Variants in PDZD2 observed in about 807,000 individuals in gnomAD.
The protein encoded by PDZD2 is PDZ domain-containing protein 2.
A neutral mutation model predicts 220.7 loss-of-function variants in PDZD2; 90 were observed. That is an observed-to-expected ratio of 0.41 (90% CI 0.34 to 0.49). PDZD2 has a LOEUF of 0.49. PDZD2 is among the 20% of genes least tolerant of loss of function. The pLI is 0.28. For missense variants in PDZD2, 3,174 were observed against 3,608.5 expected, an observed-to-expected ratio of 0.88 and a Z score of 3.08; for synonymous variants, 1,375 against 1,450.5, an observed-to-expected ratio of 0.95 and a Z score of 1.18.
At position 31,709,492 on chromosome 5, in the gene PDZD2, AAT is replaced by A. The variant is rs1287918552; in HGVS notation, c.-361+70057_-361+70058del. 7.5e-4 allele frequency among the ~76,000 whole-genome samples: 91 copies of A among 121,480 alleles called. 1 individual carries two copies. Among genetic ancestry groups the A allele is most frequent in the African/African-American group, 2.7e-3 (74 of 27,070 alleles). 79.7% of individuals were successfully genotyped at this position (121,480 alleles called of 152,430 possible). ...ACTAAGACCCTGTCTCAGGAAAAAA[AAT>A]AAAATAAAAGGTGAGAGAAAAGGTG... On this transcript the variant is annotated intron_variant, in intron 1 of 24. Coordinates refer to ENST00000438447, the MANE Select transcript of PDZD2 (RefSeq NM_178140.4).
intron 22 of PDZD2, among the ~76,000 whole-genome samples, chr5:32,097,991 C>G (rs182936574): frequency 1.3e-5 from 2 of 152,332 alleles, no homozygotes; most frequent in African/African-American, 4.8e-5. Flanking sequence ...CGGTGGCTCA[C>G]GCCTGTAATC....
chr5:32,103,103 G>A (rs1211882653), intron 24 of PDZD2, among the ~76,000 whole-genome samples: 1 of 150,928 alleles, frequency 6.6e-6, no homozygotes, highest in Non-Finnish European at 1.5e-5. Flanking sequence ...TAATGAAAGA[G>A]TTCCAGAAGG....
At chr5:31,776,798 G>A (rs886225626) in intron 1 of PDZD2, among the ~76,000 whole-genome samples, 8 of 145,428 alleles carry the variant, frequency 5.5e-5, no homozygotes, top group East Asian at 2.0e-4. Flanking sequence ...GCAGATGCAC[G>A]CCACCCTACC....
At chr5:31,882,863 C>T (rs538730254) in intron 2 of PDZD2, among the ~76,000 whole-genome samples, 80 of 151,738 alleles carry the variant, frequency 5.3e-4, no homozygotes, top group African/African-American at 1.6e-3. Context: ...AGCCAGTCTC[C>T]GCTAAAAATA....
At position 32,088,628 on chromosome 5, in the gene PDZD2, C is replaced by T. The variant is rs760026866; in HGVS notation, c.5180C>T (p.Ser1727Phe). Residue 1727 changes from serine to phenylalanine, a missense_variant, in exon 20 of 25, where the codon TCC becomes TTC. Ser to Phe is a radical substitution (Grantham distance 155, BLOSUM62 -2). Transcript: ENST00000438447. The surrounding 1 kb of genome is among the most constrained non-coding windows in gnomAD (Gnocchi z 4.6). ...HFHSPPIILS[S>F]PNMVNGLEHD... ...CACAGTCCGCCCATCATTCTCAGCT[C>T]CCCCAACATGGTAAATGGCTTGGAA... is the stretch of plus-strand genomic sequence containing the variant. 1 of 1,614,044 alleles carries T rather than the reference C, an allele frequency of 6.2e-7. No homozygotes were observed.
In PDZD2 at chr5:31,707,249, A is replaced by C. The variant is rs574944093; in HGVS notation, c.-361+67812A>C. Among the ~76,000 whole-genome samples, 151 of 152,038 alleles carry C rather than the reference A, an allele frequency of 9.9e-4. 1 individual carries two copies. The highest frequency in any genetic ancestry group is 3.4e-3 in the African/African-American group (140 of 41,486). ...GCACACCAACATGGCACATGTATAC[A>C]TATGTAACAAACCTGCATGTTGTGC... is the stretch of plus-strand genomic sequence containing the variant. On this transcript the variant is annotated intron_variant, in intron 1 of 24. Transcript: ENST00000438447.
rs199847620 is a variant in PDZD2 at position 32,071,315 on chromosome 5, A to T, written c.2534-69A>T. On this transcript the variant is annotated intron_variant, in intron 15 of 24. Coordinates refer to ENST00000438447, the MANE Select transcript of PDZD2 (RefSeq NM_178140.4). ...GTGTTTGCCGCCTCCTTTTCTAGTT[A>T]AGGATGTGAGCCTATTTGTGACTTG... 3.5e-3 allele frequency: 3,836 copies of T among 1,096,918 alleles called. 9 individuals carry two copies. The highest frequency in any genetic ancestry group is 4.2e-3 in the Non-Finnish European group (3,013 of 709,502). 67.9% of individuals were successfully genotyped at this position (1,096,918 alleles called of 1,614,324 possible). A position where few individuals can be genotyped will look rare whatever the true frequency, so the allele number is the denominator to read the frequency against.
chr5:31,855,042 CTAA>C, intron 2 of PDZD2: 4 of 985,326 alleles, frequency 4.1e-6, no homozygotes, highest in South Asian at 9.4e-5. Context: ...GGTGATTAGG[CTAA>C]TGAGCTGCCC....
Position 32,018,360 on chromosome 5 carries a change from C to T in PDZD2, c.1407+7878C>T, listed in dbSNP as rs114799164. 3.5e-3 allele frequency among the ~76,000 whole-genome samples: 528 copies of T among 152,328 alleles called. 3 individuals are homozygous for T. Among genetic ancestry groups the T allele is most frequent in the African/African-American group, 0.012 (496 of 41,576 alleles). On this transcript the variant is annotated intron_variant, in intron 6 of 24. Coordinates refer to ENST00000438447, the MANE Select transcript of PDZD2 (RefSeq NM_178140.4). ...CGATGCCCAGGGACCTCTGTGTGCA[C>T]GGCGTTGAGACAAAGGGAGGTTTTA... is the stretch of plus-strand genomic sequence containing the variant.
chr5:31,969,078 G>A (rs942569254), intron 2 of PDZD2, among the ~76,000 whole-genome samples: 7 of 152,094 alleles, frequency 4.6e-5, no homozygotes, highest in Admixed American at 3.9e-4. Context: ...TAAACTAAAT[G>A]GAATGGTAGA....
chr5:31,849,896 A>G lies in PDZD2; in HGVS notation c.476+50172A>G, dbSNP rs1010737260. 2.8e-3 allele frequency among the ~76,000 whole-genome samples: 88 copies of G among 31,610 alleles called. 1 individual carries two copies. Among genetic ancestry groups the G allele is most frequent in the Middle Eastern group, 0.024 (1 of 42 alleles). 20.7% of individuals were successfully genotyped at this position (31,610 alleles called of 152,430 possible). On this transcript the variant is annotated intron_variant, in intron 2 of 24. Transcript: ENST00000438447. The stretch of plus-strand genomic sequence containing the variant: ...CATATATATATATATATACACATAT[A>G]TATATATACATATATATATATACAT...
intron 1 of PDZD2, among the ~76,000 whole-genome samples, chr5:31,730,983 T>G (rs957883712): frequency 2.0e-5 from 3 of 152,212 alleles, no homozygotes; most frequent in Non-Finnish European, 4.4e-5. Flanking sequence ...ATTTCTTTGC[T>G]TAATTTCTAG....
At chr5:32,035,257 T>G (rs1755445972) in intron 6 of PDZD2, among the ~76,000 whole-genome samples, 1 of 150,186 alleles carries the variant, frequency 6.7e-6, no homozygotes, top group Non-Finnish European at 1.5e-5. Flanking sequence ...TTTTATGTAT[T>G]GAATTTTTTT....
chr5:31,787,441 A>G (rs1580755019), intron 1 of PDZD2, among the ~76,000 whole-genome samples: 1 of 152,256 alleles, frequency 6.6e-6, no homozygotes, highest in East Asian at 1.9e-4. Flanking sequence ...AACAGAAATA[A>G]CTTCTAATAT....
intron 2 of PDZD2, chr5:31,855,020 G>C (rs1024765597): frequency 4.1e-6 from 4 of 985,392 alleles, no homozygotes; most frequent in Non-Finnish European, 4.8e-6. Flanking sequence ...CCAGGCCCCC[G>C]GGCCGCCTGC....
rs552223172 is a variant in PDZD2, at chr5:31,773,607, G to A, written c.-360-25282G>A. Among the ~76,000 whole-genome samples, 3 of 152,276 alleles carry A rather than the reference G, an allele frequency of 2.0e-5. No individual in the cohort carries two copies. In the East Asian group the frequency reaches 5.8e-4, roughly 29 times the overall value. Reference sequence around the variant, plus strand: ...AGAGGTTACAGTGAACCAAGGCCATGCCACAGCGCTGCAGCTTAGGTGACA... The same window carrying A: ...AGAGGTTACAGTGAACCAAGGCCATACCACAGCGCTGCAGCTTAGGTGACA... On this transcript the variant is annotated intron_variant, in intron 1 of 24. Coordinates refer to ENST00000438447, the MANE Select transcript of PDZD2 (RefSeq NM_178140.4).
At chr5:32,082,392 T>TA (rs200747840) in intron 19 of PDZD2, among the ~76,000 whole-genome samples, 6 of 150,950 alleles carry the variant, frequency 4.0e-5, no homozygotes, top group Non-Finnish European at 7.4e-5. Context: ...ACCTTATCAT[T>TA]AAAAAAAAAT....
chr5:31,961,891 C>A lies in PDZD2; in HGVS notation c.477-21264C>A, dbSNP rs966541350. On this transcript the variant is annotated intron_variant, in intron 2 of 24. Coordinates refer to ENST00000438447, the MANE Select transcript of PDZD2 (RefSeq NM_178140.4). Reference sequence around the variant, plus strand: ...CTTGGCCTCCCAGATTCTGGGATTACAGGCAGGAACCACCAAGCCTAGTCT... The same window carrying A: ...CTTGGCCTCCCAGATTCTGGGATTAAAGGCAGGAACCACCAAGCCTAGTCT... 2.0e-5 allele frequency among the ~76,000 whole-genome samples: 3 copies of A among 151,422 alleles called. No homozygotes were observed. In the South Asian group the frequency reaches 6.3e-4, roughly 32 times the overall value.
chr5:32,008,074 G>A (rs1752977969), intron 5 of PDZD2, among the ~76,000 whole-genome samples: 1 of 151,048 alleles, frequency 6.6e-6, no homozygotes, highest in East Asian at 2.0e-4. Flanking sequence ...AGGACTACTT[G>A]AGGCCAGGAG....
Sources: allele counts gnomAD v4.1 joint callset (sites outside exome capture counted in the v4.1 genomes callset), GRCh38; gene constraint gnomAD v4.1.1; non-coding constraint Gnocchi (gnomAD v3.1); transcripts MANE v1.5; gene names NCBI Gene and HGNC (gene_info 2026-07-23, HGNC 2026-07-21).